The following AIMP1 variants were observed in gnomAD, a reference collection of about 807,000 sequenced individuals.
AIMP1 encodes aminoacyl tRNA synthase complex-interacting multifunctional protein 1.
AIMP1 carries 24 observed loss-of-function variants against 33.1 expected under a neutral mutation model. The ratio of observed to expected loss-of-function variants is 0.73; its 90% CI spans 0.53 to 1.02. The LOEUF (loss-of-function observed/expected upper bound fraction) is 1.02, where lower values mean the gene tolerates loss of function less well. AIMP1 is among the 50% of genes least tolerant of loss of function. The pLI is 0.00. For missense variants in AIMP1, 367 were observed against 364.8 expected (o/e 1.01, Z -0.05); for synonymous variants, 120 against 121.5 (o/e 0.99, Z 0.08).
intron 6 of AIMP1, among the ~76,000 whole-genome samples, chr4:106,342,633 C>G (rs991315212): frequency 2.6e-5 from 4 of 152,128 alleles, no homozygotes; most frequent in African/African-American, 9.7e-5. Context: ...GAAATAAAGC[C>G]TACTTGATTG....
At chr4:106,316,179 C>A, upstream of AIMP1, 2 of 182,360 alleles carry the variant, frequency 1.1e-5, no homozygotes, top group South Asian at 2.9e-4. Context: ...CCTGGCCTTC[C>A]CCAAACACAG....
chr4:106,316,509 C>T (rs945291395), upstream of AIMP1: 6 of 1,549,830 alleles, frequency 3.9e-6, no homozygotes, highest in Non-Finnish European at 5.2e-6. Flanking sequence ...CTCATTGGGT[C>T]CTTTCTCACT....
intron 1 of AIMP1, 119 bp from the exon 2 acceptor site, chr4:106,324,866 A>T: frequency 1.3e-6 from 1 of 779,900 alleles, no homozygotes; most frequent in Non-Finnish European, 1.8e-6. Flanking sequence ...CTATTTTTCT[A>T]AGATATTTAT....
At chr4:106,326,138 A>G (rs1769446572) in intron 2 of AIMP1, among the ~76,000 whole-genome samples, 1 of 152,166 alleles carries the variant, frequency 6.6e-6, no homozygotes, top group Admixed American at 6.5e-5. Flanking sequence ...ATTAGATAGT[A>G]TTTTGAATAA....
intron 6 of AIMP1, among the ~76,000 whole-genome samples, chr4:106,338,160 A>G (rs1769961782): frequency 2.0e-5 from 3 of 152,216 alleles, no homozygotes; most frequent in African/African-American, 7.2e-5. Context: ...AGGGAAGCAG[A>G]GCATAAAAGT....
intron 6 of AIMP1, among the ~76,000 whole-genome samples, chr4:106,343,591 C>G (rs1361551048): frequency 6.6e-6 from 1 of 152,088 alleles, no homozygotes; most frequent in Non-Finnish European, 1.5e-5. Flanking sequence ...TCATAGTGGT[C>G]TATGCTCTAA....
chr4:106,335,325 C>T (rs1045690867), intron 5 of AIMP1, among the ~76,000 whole-genome samples: 1 of 151,982 alleles, frequency 6.6e-6, no homozygotes, highest in Non-Finnish European at 1.5e-5. Context: ...CTTTTCTGTT[C>T]TTATAAGTTG....
Position 106,347,727 on chromosome 4 carries a change from C to T in AIMP1, c.*35C>T. On this transcript the variant is annotated 3_prime_UTR_variant, in exon 7 of 7. Coordinates refer to ENST00000672341, the MANE Select transcript of AIMP1 (RefSeq NM_001142416.2). Reference sequence around the variant, plus strand: ...ACTACCAAAAGACATTAGAGAAAACCTTAAAAGTAATAAAGAGAAATATAT... The same window carrying T: ...ACTACCAAAAGACATTAGAGAAAACTTTAAAAGTAATAAAGAGAAATATAT... 6.3e-7 allele frequency: 1 copy of T among 1,595,234 alleles called. No individual in the cohort carries two copies. The highest frequency in any genetic ancestry group is 8.5e-7 in the Non-Finnish European group (1 of 1,170,072).
chr4:106,322,740 C>T lies in AIMP1; in HGVS notation c.-25-2245C>T, dbSNP rs146420896. ...TGGCTCACACCTGTAATCCCAGCAC[C>T]TTGGGAAGCCGAGGTGGGCAGATCA... On this transcript the variant is annotated intron_variant, in intron 1 of 6. Coordinates refer to ENST00000672341, the MANE Select transcript of AIMP1 (RefSeq NM_001142416.2). Among the ~76,000 whole-genome samples, 20 of 152,174 alleles carry T rather than the reference C, an allele frequency of 1.3e-4. No homozygotes were observed. In the East Asian group the frequency reaches 3.7e-3, roughly 28 times the overall value.
chr4:106,329,013 A>G (rs760982484), intron 4 of AIMP1, among the ~76,000 whole-genome samples: 17 of 150,880 alleles, frequency 1.1e-4, no homozygotes, highest in Non-Finnish European at 2.4e-4. Flanking sequence ...ATAATTATGA[A>G]TATTTCTCAT....
chr4:106,326,619 T>G (rs1269738330), intron 2 of AIMP1, among the ~76,000 whole-genome samples: 1 of 152,214 alleles, frequency 6.6e-6, no homozygotes, highest in East Asian at 1.9e-4. Flanking sequence ...ACTTTAGCAA[T>G]ATTCAGCTTC....
intron 2 of AIMP1, among the ~76,000 whole-genome samples, chr4:106,325,943 T>A (rs1341258865): frequency 6.6e-6 from 1 of 152,130 alleles, no homozygotes; most frequent in Non-Finnish European, 1.5e-5. Context: ...TCAGCAGAAT[T>A]ATACCACTAA....
intron 1 of AIMP1, among the ~76,000 whole-genome samples, chr4:106,321,673 G>C (rs1161374561): frequency 5.9e-5 from 9 of 151,726 alleles, no homozygotes; most frequent in Non-Finnish European, 1.3e-4. Context: ...CCCTCTGCCC[G>C]GCCGCCACCC....
chr4:106,346,871 T>C (rs1381493779), intron 6 of AIMP1, among the ~76,000 whole-genome samples: 1 of 152,104 alleles, frequency 6.6e-6, no homozygotes, highest in Non-Finnish European at 1.5e-5. Context: ...TGAGGCTAGG[T>C]AATTTATAAG....
chr4:106,340,887 C>G (rs1022145214), intron 6 of AIMP1, among the ~76,000 whole-genome samples: 1 of 152,138 alleles, frequency 6.6e-6, no homozygotes, highest in African/African-American at 2.4e-5. Context: ...AGTGGCTGAA[C>G]TAATTTGCAT....
intron 6 of AIMP1, among the ~76,000 whole-genome samples, chr4:106,341,826 A>C (rs765789408): frequency 3.3e-5 from 5 of 152,084 alleles, no homozygotes; most frequent in Non-Finnish European, 4.4e-5. Flanking sequence ...TTCTGTTATA[A>C]ATGATGTTGT....
chr4:106,321,692 A>G (rs1331696923), intron 1 of AIMP1, among the ~76,000 whole-genome samples: 3 of 152,162 alleles, frequency 2.0e-5, no homozygotes, highest in Non-Finnish European at 4.4e-5. Flanking sequence ...CCCGTCTGGG[A>G]GGTGTACCCA....
chr4:106,323,839 C>T (rs1769360501), intron 1 of AIMP1, among the ~76,000 whole-genome samples: 1 of 152,024 alleles, frequency 6.6e-6, no homozygotes, highest in Non-Finnish European at 1.5e-5. Context: ...TGAATTGGTG[C>T]ATTTTAGAAA....
chr4:106,330,420 A>G (rs534805644), intron 4 of AIMP1, among the ~76,000 whole-genome samples: 1 of 152,190 alleles, frequency 6.6e-6, no homozygotes, highest in South Asian at 2.1e-4. Context: ...ATTTTTGCTA[A>G]TTTGTTTATG....
Sources: allele counts gnomAD v4.1 joint callset (sites outside exome capture counted in the v4.1 genomes callset), GRCh38; gene constraint gnomAD v4.1.1; transcripts MANE v1.5; gene names NCBI Gene and HGNC (gene_info 2026-07-23, HGNC 2026-07-21).